The following ACTR3B variants were observed in gnomAD, a reference collection of about 807,000 sequenced individuals.
ACTR3B encodes the protein actin related protein 3B, also known as actin-related protein 3B.
In ACTR3B, 8 loss-of-function variants were observed where a neutral mutation model predicts 59.0. The observed-to-expected ratio is 0.14, with a 90% CI of 0.08 to 0.24. The LOEUF (loss-of-function observed/expected upper bound fraction) is 0.24. Ranked by LOEUF, ACTR3B falls within the 10% of genes least tolerant of loss-of-function variation. The pLI is 1.00. For synonymous variants in ACTR3B, 148 were observed against 197.9 expected (o/e 0.75, Z 2.12); for missense variants, 245 against 552.3 (o/e 0.44, Z 5.58).
chr7:152,837,079 G>T (rs1248583817), intron 9 of ACTR3B, among the ~76,000 whole-genome samples: 1 of 152,240 alleles, frequency 6.6e-6, no homozygotes, highest in Non-Finnish European at 1.5e-5. Flanking sequence ...GGGAGACTGA[G>T]GCAGCAGGAT....
chr7:152,762,355 C>T (rs115204981), intron 1 of ACTR3B, among the ~76,000 whole-genome samples: 3,983 of 152,214 alleles, frequency 0.026, 169 homozygotes, highest in African/African-American at 0.089. Context: ...TTGCATTTTT[C>T]AACTTTTTTT....
chr7:152,846,430 G>A (rs1176619636), intron 9 of ACTR3B, among the ~76,000 whole-genome samples: 2 of 148,248 alleles, frequency 1.3e-5, no homozygotes, highest in Admixed American at 6.7e-5. Flanking sequence ...TCTAGTGTCC[G>A]GGCTGTAGTG....
In ACTR3B at chr7:152,852,305, C is replaced by T. The variant is rs113145340; in HGVS notation, c.1077+54C>T. The stretch of plus-strand genomic sequence containing the variant: ...CTGGGGCTATTGCCCCAGGCCTGAC[C>T]GGGGCCCTCCTGACACAGAGCCGAA... On this transcript the variant is annotated intron_variant, in intron 10 of 11. Coordinates refer to ENST00000256001, the MANE Select transcript of ACTR3B (RefSeq NM_020445.6). 4,044 of 1,542,494 alleles carry T rather than the reference C, an allele frequency of 2.6e-3. 60 individuals are homozygous for T. The African/African-American group carries it at 0.039, about 15-fold the overall frequency.
intron 1 of ACTR3B, among the ~76,000 whole-genome samples, chr7:152,760,603 G>A (rs1373945737): frequency 2.0e-5 from 3 of 152,218 alleles, no homozygotes; most frequent in Non-Finnish European, 2.9e-5. Flanking sequence ...GAAAAATGAT[G>A]TGTTTAAAAA....
At chr7:152,792,871 C>T (rs868130473) in intron 2 of ACTR3B, among the ~76,000 whole-genome samples, 21 of 152,072 alleles carry the variant, frequency 1.4e-4, no homozygotes, top group Admixed American at 3.3e-4. Flanking sequence ...TTTATTTCAA[C>T]GGAAAGTCTT....
intron 2 of ACTR3B, among the ~76,000 whole-genome samples, chr7:152,789,348 T>C (rs2966510): frequency 0.17 from 21,685 of 130,976 alleles, 2,735 homozygotes; most frequent in African/African-American, 0.37. Flanking sequence ...GTTGTGATTG[T>C]GCCACTACAC....
chr7:152,773,978 G>C (rs1206543461), intron 1 of ACTR3B, among the ~76,000 whole-genome samples: 2 of 152,196 alleles, frequency 1.3e-5, no homozygotes, highest in Non-Finnish European at 2.9e-5. Flanking sequence ...TAAGGATCTA[G>C]GGAGTGTGTT....
chr7:152,816,368 GAGTTACTC>G, intron 5 of ACTR3B, 105 bp from the exon 6 acceptor site: 1 of 870,572 alleles, frequency 1.1e-6, no homozygotes, highest in Non-Finnish European at 1.7e-6. Flanking sequence ...GAAAAGGAAA[GAGTTACTC>G]AGACATATTA....
intron 4 of ACTR3B, among the ~76,000 whole-genome samples, chr7:152,807,557 A>G (rs565185398): frequency 6.6e-6 from 1 of 152,308 alleles, no homozygotes; most frequent in East Asian, 1.9e-4. Flanking sequence ...TATGGAGTTC[A>G]GCAGTGTTAG....
chr7:152,850,673 G>T (rs1798732162), intron 9 of ACTR3B, among the ~76,000 whole-genome samples: 1 of 152,244 alleles, frequency 6.6e-6, no homozygotes, highest in Non-Finnish European at 1.5e-5. Context: ...GTCAGTCCTG[G>T]CTGTCTTTCC....
intron 1 of ACTR3B, among the ~76,000 whole-genome samples, chr7:152,775,535 A>T (rs1319679835): frequency 6.6e-6 from 1 of 152,090 alleles, no homozygotes; most frequent in Non-Finnish European, 1.5e-5. Context: ...CGAGGCGGGC[A>T]GATCACCTAA....
At chr7:152,772,082 A>AAAAC (rs1169136898) in intron 1 of ACTR3B, among the ~76,000 whole-genome samples, 38 of 152,306 alleles carry the variant, frequency 2.5e-4, no homozygotes, top group African/African-American at 8.7e-4. Context: ...AAAACAAAAC[A>AAAAC]AACCCCTGAA....
chr7:152,767,355 T>C (rs2098113590), intron 1 of ACTR3B, among the ~76,000 whole-genome samples: 1 of 152,204 alleles, frequency 6.6e-6, no homozygotes, highest in Non-Finnish European at 1.5e-5. Context: ...TCTATTGGTC[T>C]GTTCATAATA....
At chr7:152,853,381 G>C (rs901032195) in intron 10 of ACTR3B, 113 bp from the exon 11 acceptor site, 3 of 841,710 alleles carry the variant, frequency 3.6e-6, no homozygotes, top group Non-Finnish European at 5.9e-6. Context: ...GGTGGTGCTC[G>C]TGCCATAAGA....
intron 1 of ACTR3B, among the ~76,000 whole-genome samples, chr7:152,771,447 A>G (rs2098123674): frequency 6.6e-6 from 1 of 152,224 alleles, no homozygotes; most frequent in Non-Finnish European, 1.5e-5. Context: ...GTTGGAGGTT[A>G]CATGAGGTAG....
Position 152,854,915 on chromosome 7 carries a change from G to A in ACTR3B, c.*362G>A, listed in dbSNP as rs1352604441. ...AAATCGTTAGGTCCCAGGAGAGAAT[G>A]TGGGGGCGCAAACCCTTTTCCTCCC... On this transcript the variant is annotated 3_prime_UTR_variant, in exon 12 of 12. Coordinates refer to ENST00000256001, the MANE Select transcript of ACTR3B (RefSeq NM_020445.6). This position sits in a 1 kb window ranked among gnomAD's most constrained non-coding sequence, Gnocchi z 4.9. 2 of 183,806 alleles carry A rather than the reference G, an allele frequency of 1.1e-5. No individual in the cohort carries two copies. The highest frequency in any genetic ancestry group is 2.3e-5 in the Non-Finnish European group (2 of 88,794). 11.4% of individuals were successfully genotyped at this position (183,806 alleles called of 1,614,324 possible).
At chr7:152,820,676 C>T (rs1367791020) in intron 7 of ACTR3B, among the ~76,000 whole-genome samples, 1 of 152,226 alleles carries the variant, frequency 6.6e-6, no homozygotes, top group Non-Finnish European at 1.5e-5. Context: ...GCTGGTGCAG[C>T]GTACCAGCGT....
chr7:152,772,284 C>A (rs866400855), intron 1 of ACTR3B, among the ~76,000 whole-genome samples: 8 of 149,796 alleles, frequency 5.3e-5, no homozygotes, highest in African/African-American at 1.5e-4. Flanking sequence ...TTTGGGAGGC[C>A]AAGGCAGGAG....
chr7:152,844,397 A>T (rs1798107520), intron 9 of ACTR3B, among the ~76,000 whole-genome samples: 1 of 152,122 alleles, frequency 6.6e-6, no homozygotes, highest in Non-Finnish European at 1.5e-5. Context: ...TTTTAAAAAA[A>T]TCTATTACAT....
Sources: gnomAD v4.1 joint callset for allele counts (sites outside exome capture counted in the v4.1 genomes callset) on GRCh38, gnomAD v4.1.1 for gene constraint, Gnocchi (gnomAD v3.1) non-coding constraint, MANE v1.5 for transcripts, NCBI Gene and HGNC (gene_info 2026-07-23, HGNC 2026-07-21) for gene names.